Variants in TRPM3 observed in about 807,000 individuals in gnomAD.
TRPM3 encodes the protein long transient receptor potential channel 3.
Under a neutral mutation model 181.2 loss-of-function variants are expected in TRPM3, and 77 were observed. The observed-to-expected ratio is 0.42, with a 90% confidence interval of 0.35 to 0.51. The LOEUF is 0.51. Ranked by LOEUF, TRPM3 falls within the 20% of genes least tolerant of loss-of-function variation. The probability of loss-of-function intolerance (pLI) is 0.01; values close to 1 mark genes in which losing one functional copy is unlikely to be tolerated. For missense variants in TRPM3, 1,759 were observed against 2,196.7 expected, an observed-to-expected ratio of 0.80 and a Z score of 3.98; for synonymous variants, 745 against 796.4, an observed-to-expected ratio of 0.94 and a Z score of 1.09.
At chr9:71,238,392 G>T (rs1311161113) in intron 1 of TRPM3, among the ~76,000 whole-genome samples, 1 of 152,090 alleles carries the variant, frequency 6.6e-6, no homozygotes, top group Non-Finnish European at 1.5e-5. Context: ...CACCCACAGG[G>T]AAAGAAGTTC....
At chr9:71,272,206 T>G (rs1405007664) in intron 1 of TRPM3, among the ~76,000 whole-genome samples, 1 of 152,180 alleles carries the variant, frequency 6.6e-6, no homozygotes. Context: ...TTTTAAAAAT[T>G]TTTAATGTCT....
At chr9:71,178,280 A>C (rs1220564657) in intron 1 of TRPM3, among the ~76,000 whole-genome samples, 1 of 152,170 alleles carries the variant, frequency 6.6e-6, no homozygotes, top group Non-Finnish European at 1.5e-5. Context: ...CGGGTGCATA[A>C]ACTCAATATG....
chr9:71,202,247 G>A (rs558946402), intron 1 of TRPM3, among the ~76,000 whole-genome samples: 8 of 152,162 alleles, frequency 5.3e-5, no homozygotes, highest in African/African-American at 1.7e-4. Flanking sequence ...CTACCGGGGG[G>A]TGCCTCCCAG....
At chr9:70,859,420 G>A (rs1424903020) in intron 3 of TRPM3, among the ~76,000 whole-genome samples, 1 of 152,154 alleles carries the variant, frequency 6.6e-6, no homozygotes, top group Non-Finnish European at 1.5e-5. Context: ...GCGACATGGA[G>A]AAATTAGTTA....
At chr9:71,432,183 T>C (rs1276235620) in intron 1 of TRPM3, among the ~76,000 whole-genome samples, 1 of 152,168 alleles carries the variant, frequency 6.6e-6, no homozygotes, top group Non-Finnish European at 1.5e-5. Context: ...TACAGGACCA[T>C]GATGTTATCA....
intron 6 of TRPM3, among the ~76,000 whole-genome samples, chr9:70,795,636 G>C (rs1387995760): frequency 1.3e-5 from 2 of 152,158 alleles, no homozygotes; most frequent in Admixed American, 1.3e-4. Flanking sequence ...CTTCCCCCAG[G>C]GGCCTCTCCT....
chr9:71,382,795 A>G (rs536041109), intron 1 of TRPM3, among the ~76,000 whole-genome samples: 1 of 152,102 alleles, frequency 6.6e-6, no homozygotes, highest in South Asian at 2.1e-4. Context: ...GGCCAGAACA[A>G]TGTCTTACAT....
chr9:71,033,413 T>C (rs559011867), intron 1 of TRPM3, among the ~76,000 whole-genome samples: 61 of 152,360 alleles, frequency 4.0e-4, no homozygotes, highest in Middle Eastern at 3.4e-3. Flanking sequence ...GGCGAAGAGA[T>C]AGAAATAAGA....
At chr9:71,341,073 C>T (rs55649170) in intron 1 of TRPM3, among the ~76,000 whole-genome samples, 32,246 of 151,982 alleles carry the variant, frequency 0.21, 3,939 homozygotes, top group Middle Eastern at 0.3. Context: ...ACCTATGAGT[C>T]TATATTGGTT....
At chr9:71,117,999 G>C (rs1315973323) in intron 1 of TRPM3, among the ~76,000 whole-genome samples, 2 of 152,038 alleles carry the variant, frequency 1.3e-5, no homozygotes, top group Non-Finnish European at 2.9e-5. Context: ...AGATAGACCT[G>C]ATAATGAATA....
intron 1 of TRPM3, among the ~76,000 whole-genome samples, chr9:71,094,872 C>T (rs187533587): frequency 1.3e-4 from 20 of 152,182 alleles, no homozygotes; most frequent in Non-Finnish European, 1.9e-4. Flanking sequence ...TACACACACT[C>T]GACTCGGCAA....
chr9:71,317,491 A>C (rs188221921), intron 1 of TRPM3, among the ~76,000 whole-genome samples: 76 of 152,216 alleles, frequency 5.0e-4, no homozygotes, highest in Non-Finnish European at 1.0e-3. Flanking sequence ...AACTACAAAA[A>C]TTATCCAGGT....
chr9:70,689,094 AC>A (rs1251418851), intron 8 of TRPM3, among the ~76,000 whole-genome samples: 1 of 152,224 alleles, frequency 6.6e-6, no homozygotes, highest in Non-Finnish European at 1.5e-5. Flanking sequence ...TAAGCCACAG[AC>A]CAAGAGTTTG....
At chr9:71,366,994 T>C (rs1429994981) in intron 1 of TRPM3, among the ~76,000 whole-genome samples, 1 of 152,186 alleles carries the variant, frequency 6.6e-6, no homozygotes, top group Admixed American at 6.5e-5. Flanking sequence ...GGCATTAACT[T>C]GTATTATGAT....
At chr9:70,794,932 G>T (rs1235917798) in intron 6 of TRPM3, among the ~76,000 whole-genome samples, 2 of 152,028 alleles carry the variant, frequency 1.3e-5, no homozygotes, top group Non-Finnish European at 2.9e-5. Context: ...ACTAACAAAA[G>T]ATCAAAAATA....
At chr9:71,295,752 T>TC (rs2086209087) in intron 1 of TRPM3, among the ~76,000 whole-genome samples, 1 of 144,570 alleles carries the variant, frequency 6.9e-6, no homozygotes. Flanking sequence ...GATGGGAAGA[T>TC]CCCTTGAGCC....
chr9:71,216,273 G>A (rs1383494079), intron 1 of TRPM3, among the ~76,000 whole-genome samples: 1 of 152,116 alleles, frequency 6.6e-6, no homozygotes, highest in African/African-American at 2.4e-5. Flanking sequence ...GCATATATTA[G>A]AATGAATTGA....
At position 70,836,834 on chromosome 9, in the gene TRPM3, G is replaced by A. The variant is rs140183274; in HGVS notation, c.801+6169C>T. ...CCAAATCTAAGCGTGTAGCCAGATC[G>A]TGCTTCTGAACTTCTATCTCACATA... On this transcript the variant is annotated intron_variant, in intron 5 of 25. Coordinates refer to ENST00000677713, the MANE Select transcript of TRPM3 (RefSeq NM_001366145.2). Among the ~76,000 whole-genome samples the A allele has an allele frequency of 5.3e-5, 8 of 152,280 alleles. 1 individual carries two copies. In the East Asian group the frequency reaches 9.7e-4, roughly 18 times the overall value.
At chr9:71,087,065 A>T (rs1341406027) in intron 1 of TRPM3, among the ~76,000 whole-genome samples, 1 of 151,966 alleles carries the variant, frequency 6.6e-6, no homozygotes, top group Non-Finnish European at 1.5e-5. Context: ...TTTGGACACC[A>T]TTGCTTGTCT....
Sources: allele counts gnomAD v4.1 joint callset (sites outside exome capture counted in the v4.1 genomes callset), GRCh38; gene constraint gnomAD v4.1.1; transcripts MANE v1.5; gene names NCBI Gene and HGNC (gene_info 2026-07-23, HGNC 2026-07-21).